The following PXK variants were observed in gnomAD, a reference collection of about 807,000 sequenced individuals.
The protein encoded by PXK is PX domain-containing protein kinase-like protein.
In PXK, 35 loss-of-function variants were observed where a neutral mutation model predicts 84.7. The observed-to-expected ratio is 0.41, with a 90% CI of 0.32 to 0.55. The LOEUF (loss-of-function observed/expected upper bound fraction) is 0.55, where lower values mean the gene tolerates loss of function less well. Among genes scored for constraint, PXK ranks in the 20% least tolerant of loss-of-function variants. The probability of loss-of-function intolerance (pLI) is 0.21; values close to 1 mark genes in which losing one functional copy is unlikely to be tolerated. For synonymous variants in PXK, 253 were observed against 260.8 expected (o/e 0.97, Z 0.29); for missense variants, 634 against 699.7 (o/e 0.91, Z 1.06).
At chr3:58,417,985 A>G (rs1247455458) in intron 17 of PXK, among the ~76,000 whole-genome samples, 2 of 151,704 alleles carry the variant, frequency 1.3e-5, no homozygotes, top group South Asian at 2.1e-4. Flanking sequence ...CCCTTGGCTA[A>G]TTTTTATATT....
At chr3:58,424,065 A>G (rs746247619) in intron 17 of PXK, among the ~76,000 whole-genome samples, 5 of 152,148 alleles carry the variant, frequency 3.3e-5, no homozygotes, top group Admixed American at 6.5e-5. Flanking sequence ...CTCTGTAAGA[A>G]TACCATGGCA....
chr3:58,423,258 C>T lies in PXK; in HGVS notation c.1529-1494C>T, dbSNP rs1237220060. ...TTAAAGTCCTTTTTATCTCTGTAAC[C>T]TGGTGACATAAAGCCAGGAACATTT... On this transcript the variant is annotated intron_variant, in intron 17 of 17. Coordinates refer to ENST00000356151, the MANE Select transcript of PXK (RefSeq NM_017771.5). 15 of 974,610 alleles carry T rather than the reference C, an allele frequency of 1.5e-5. No homozygotes were observed. The African/African-American group carries it at 2.3e-4, about 15-fold the overall frequency. The allele number at this position is 974,610 out of a possible 1,614,324, so 60.4% of individuals were successfully genotyped here. A position where few individuals can be genotyped will look rare whatever the true frequency, so the allele number is the denominator to read the frequency against.
intron 17 of PXK, among the ~76,000 whole-genome samples, chr3:58,418,486 G>A (rs1291584584): frequency 1.3e-5 from 2 of 152,170 alleles, no homozygotes; most frequent in Admixed American, 1.3e-4. Flanking sequence ...TGCAGGGCCC[G>A]TGCTCTTAAA....
chr3:58,335,043 GT>G (rs2097568671), intron 1 of PXK, among the ~76,000 whole-genome samples: 4 of 150,972 alleles, frequency 2.6e-5, no homozygotes, highest in African/African-American at 9.7e-5. Flanking sequence ...GTGTGTGTGT[GT>G]GTGTGTGTGT....
chr3:58,395,390 A>G (rs1443756975), intron 8 of PXK, among the ~76,000 whole-genome samples: 4 of 152,240 alleles, frequency 2.6e-5, no homozygotes, highest in African/African-American at 4.8e-5. Context: ...TTAACAAAGC[A>G]GTTCTGAAGA....
rs1553817680 is a variant in PXK, at chr3:58,409,770, T to TTG, written c.1395+152_1395+153insTG. On this transcript the variant is annotated intron_variant, in intron 15 of 17. Coordinates refer to ENST00000356151, the MANE Select transcript of PXK (RefSeq NM_017771.5). This position sits in a 1 kb window ranked among gnomAD's most constrained non-coding sequence, Gnocchi z 4.2. ...CCAGATGACTGGGGTGCAGTTTTTT[T>TTG]GGGGAAAAAAAAAGAGTCATATGAT... 37 of 235,392 alleles carry TTG rather than the reference T, an allele frequency of 1.6e-4. No individual in the cohort carries two copies. Among genetic ancestry groups the TTG allele is most frequent in the Admixed American group, 1.2e-3 (12 of 9,714 alleles). 14.6% of individuals were successfully genotyped at this position (235,392 alleles called of 1,614,324 possible). A position where few individuals can be genotyped will look rare whatever the true frequency, so the allele number is the denominator to read the frequency against.
rs1279583599 is a variant in PXK, at chr3:58,400,239, A to G, written c.1181+862A>G. Among the ~76,000 whole-genome samples the G allele has an allele frequency of 6.6e-6, 1 of 152,186 alleles. No homozygotes were observed. The highest frequency in any genetic ancestry group is 2.4e-5 in the African/African-American group (1 of 41,434). On this transcript the variant is annotated intron_variant, in intron 12 of 17. Transcript: ENST00000356151. This position sits in a 1 kb window ranked among gnomAD's most constrained non-coding sequence, Gnocchi z 4.0. ...TCCTAGTAGGGACCCGGCACTTAAT[A>G]TGTGCTCATTAAGTGTTAGTTATGC...
rs2061031973 is a variant in PXK, at chr3:58,416,807, G to C, written c.1528+3844G>C. Among the ~76,000 whole-genome samples, 1 of 152,108 alleles carries C rather than the reference G, an allele frequency of 6.6e-6. No individual in the cohort carries two copies. Among genetic ancestry groups the C allele is most frequent in the Admixed American group, 6.6e-5 (1 of 15,254 alleles). On this transcript the variant is annotated intron_variant, in intron 17 of 17. Transcript: ENST00000356151. The surrounding 1 kb of genome is among the most constrained non-coding windows in gnomAD (Gnocchi z 4.8). ...GGCTAATATTTTTGTATTTTTGATA[G>C]AGATGGGGTTTCACTACGTTGGCCA...
At chr3:58,355,637 A>T (rs2098059912) in intron 1 of PXK, among the ~76,000 whole-genome samples, 1 of 152,206 alleles carries the variant, frequency 6.6e-6, no homozygotes, top group Admixed American at 6.5e-5. Flanking sequence ...AACTCAGGAA[A>T]ACAAATTGCA....
At chr3:58,422,940 C>G in intron 17 of PXK, 1 of 985,452 alleles carries the variant, frequency 1.0e-6, no homozygotes, top group Non-Finnish European at 1.2e-6. Flanking sequence ...GGAGCTCCTT[C>G]TGTTACACTA....
At chr3:58,374,517 G>C (rs1192701996) in intron 3 of PXK, among the ~76,000 whole-genome samples, 1 of 152,016 alleles carries the variant, frequency 6.6e-6, no homozygotes, top group Admixed American at 6.6e-5. Context: ...AGAACTCCGG[G>C]GACTCCTCTG....
chr3:58,369,973 A>T (rs2098341114), intron 3 of PXK, among the ~76,000 whole-genome samples: 1 of 152,174 alleles, frequency 6.6e-6, no homozygotes, highest in Admixed American at 6.5e-5. Context: ...TCAACATGTG[A>T]TTTATAATTA....
chr3:58,371,340 G>A (rs1006595086), intron 3 of PXK, among the ~76,000 whole-genome samples: 2 of 152,212 alleles, frequency 1.3e-5, no homozygotes, highest in Non-Finnish European at 2.9e-5. Context: ...AGGTATCAAT[G>A]TGCAGTTTAT....
chr3:58,368,213 T>A (rs1360143003), intron 2 of PXK, among the ~76,000 whole-genome samples: 1 of 152,022 alleles, frequency 6.6e-6, no homozygotes, highest in Non-Finnish European at 1.5e-5. Flanking sequence ...AGAATGAGAG[T>A]CCTCAAGGGA....
At chr3:58,367,770 C>A (rs1287472415) in intron 2 of PXK, among the ~76,000 whole-genome samples, 1 of 152,116 alleles carries the variant, frequency 6.6e-6, no homozygotes, top group African/African-American at 2.4e-5. Context: ...TCAGCCTCGA[C>A]CTCCTGGGCT....
At chr3:58,358,206 A>T (rs985306147) in intron 1 of PXK, among the ~76,000 whole-genome samples, 1 of 152,188 alleles carries the variant, frequency 6.6e-6, no homozygotes, top group Non-Finnish European at 1.5e-5. Context: ...ATTATTATTG[A>T]CTACAATCAC....
chr3:58,403,381 T>G (rs1012733043), intron 12 of PXK, among the ~76,000 whole-genome samples: 54 of 152,236 alleles, frequency 3.5e-4, no homozygotes, highest in African/African-American at 1.2e-3. Context: ...GAGAAATACT[T>G]AGAAGAAAAT....
At chr3:58,352,391 C>T (rs903769131) in intron 1 of PXK, among the ~76,000 whole-genome samples, 5 of 152,318 alleles carry the variant, frequency 3.3e-5, no homozygotes, top group African/African-American at 7.2e-5. Flanking sequence ...TCATTTCCAG[C>T]GGATCCGAGT....
In PXK at chr3:58,395,594, G is replaced by T. The variant is rs371221623; in HGVS notation, c.721-64G>T. The T allele has an allele frequency of 4.4e-4, 555 of 1,261,432 alleles. 3 individuals are homozygous for T. Among genetic ancestry groups the T allele is most frequent in the Middle Eastern group, 3.8e-3 (20 of 5,310 alleles). The allele number at this position is 1,261,432 out of a possible 1,614,324, so 78.1% of individuals were successfully genotyped here. On this transcript the variant is annotated intron_variant, in intron 8 of 17. Transcript: ENST00000356151. Reference sequence around the variant, plus strand: ...CTCTGTAGAATCCTGCCTGGTCAGGGAGTCTGTGTGCAGATATTGGCCCCT... The same window carrying T: ...CTCTGTAGAATCCTGCCTGGTCAGGTAGTCTGTGTGCAGATATTGGCCCCT...
Sources: gnomAD v4.1 joint callset for allele counts (sites outside exome capture counted in the v4.1 genomes callset) on GRCh38, gnomAD v4.1.1 for gene constraint, Gnocchi (gnomAD v3.1) non-coding constraint, MANE v1.5 for transcripts, NCBI Gene and HGNC (gene_info 2026-07-23, HGNC 2026-07-21) for gene names.